Variants in FBXL5 observed in about 807,000 individuals in gnomAD.
The protein encoded by FBXL5 is F-box and leucine rich repeat protein 5, also known as F-box/LRR-repeat protein 5.
A neutral mutation model predicts 78.3 loss-of-function variants in FBXL5; 26 were observed. The ratio of observed to expected loss-of-function variants is 0.33; its 90% CI spans 0.24 to 0.46. The LOEUF is 0.46. Ranked by LOEUF, FBXL5 falls within the 20% of genes least tolerant of loss-of-function variation. FBXL5 has a pLI of 1.00. For missense variants in FBXL5, 710 were observed against 829.2 expected (o/e 0.86, Z 1.77); for synonymous variants, 295 against 282.5 (o/e 1.04, Z -0.45).
At chr4:15,665,795 G>C (rs1277967303) in intron 1 of FBXL5, among the ~76,000 whole-genome samples, 2 of 152,122 alleles carry the variant, frequency 1.3e-5, no homozygotes, top group Non-Finnish European at 2.9e-5. Context: ...AAAGAACCCA[G>C]TAAAATACAT....
chr4:15,674,444 A>G (rs1717890101), intron 1 of FBXL5, among the ~76,000 whole-genome samples: 1 of 152,132 alleles, frequency 6.6e-6, no homozygotes, highest in Admixed American at 6.6e-5. Flanking sequence ...ACTTTAAATA[A>G]AATGTCCCCC....
intron 6 of FBXL5, among the ~76,000 whole-genome samples, 154 bp downstream of exon 6, chr4:15,630,512 T>C (rs1713517374): frequency 6.6e-6 from 1 of 152,208 alleles, no homozygotes; most frequent in Non-Finnish European, 1.5e-5. Context: ...AAAATTTCAT[T>C]ATTATTCCTT....
intron 9 of FBXL5, among the ~76,000 whole-genome samples, chr4:15,621,435 A>G (rs1480073789): frequency 1.3e-5 from 2 of 152,234 alleles, no homozygotes; most frequent in African/African-American, 4.8e-5. Flanking sequence ...TGGAAACAAG[A>G]ATTCAAGTAA....
intron 1 of FBXL5, among the ~76,000 whole-genome samples, chr4:15,675,330 G>A (rs1717944164): frequency 6.6e-6 from 1 of 152,114 alleles, no homozygotes; most frequent in Admixed American, 6.5e-5. Flanking sequence ...AAAATGAGGT[G>A]AATAAGTACC....
intron 1 of FBXL5, among the ~76,000 whole-genome samples, chr4:15,645,208 G>A (rs1325033667): frequency 1.3e-5 from 2 of 151,946 alleles, no homozygotes; most frequent in African/African-American, 4.8e-5. Flanking sequence ...TTATCAGCAG[G>A]AATGACGGTC....
chr4:15,678,227 G>C (rs998881066), intron 1 of FBXL5, among the ~76,000 whole-genome samples: 13 of 152,002 alleles, frequency 8.6e-5, no homozygotes, highest in African/African-American at 3.1e-4. Context: ...AGGATTGCCT[G>C]GATTTTCTCA....
In FBXL5 at chr4:15,628,042, T is replaced by G; in HGVS notation, c.893-9A>C. The G allele has an allele frequency of 6.2e-7, 1 of 1,612,336 alleles. No individual in the cohort carries two copies. Among genetic ancestry groups the G allele is most frequent in the South Asian group, 1.1e-5 (1 of 90,824 alleles). On this transcript the variant is annotated splice_polypyrimidine_tract_variant and intron_variant, in intron 6 of 10. Transcript: ENST00000341285. Reference sequence around the variant, plus strand: ...TTCCTCCGCAGACTCTTCTGTAAAATGAATTCAAAAGTCCAAGAACTTGAT... The same window carrying G: ...TTCCTCCGCAGACTCTTCTGTAAAAGGAATTCAAAAGTCCAAGAACTTGAT...
At chr4:15,651,847 G>T (rs1169947440) in intron 1 of FBXL5, among the ~76,000 whole-genome samples, 1 of 152,144 alleles carries the variant, frequency 6.6e-6, no homozygotes, top group East Asian at 1.9e-4. Context: ...GGGAATCTCT[G>T]AACTAACCAC....
chr4:15,659,048 T>C (rs1249875224), upstream of FBXL5, among the ~76,000 whole-genome samples: 2 of 152,230 alleles, frequency 1.3e-5, no homozygotes, highest in Admixed American at 1.3e-4. Context: ...TCAATGTTTC[T>C]TCCTCATTAA....
At chr4:15,649,973 A>C (rs373420777) in intron 1 of FBXL5, among the ~76,000 whole-genome samples, 2 of 152,192 alleles carry the variant, frequency 1.3e-5, no homozygotes, top group Non-Finnish European at 2.9e-5. Flanking sequence ...CCCATTAATA[A>C]AGCTATCTTT....
chr4:15,628,733 TTTAGA>T (rs1300780567), intron 6 of FBXL5, among the ~76,000 whole-genome samples: 1 of 150,962 alleles, frequency 6.6e-6, no homozygotes, highest in East Asian at 1.9e-4. Flanking sequence ...TGGTTCCTTG[TTTAGA>T]TATTATCCTA....
At chr4:15,611,982 A>T in intron 10 of FBXL5, 1 of 238,208 alleles carries the variant, frequency 4.2e-6, no homozygotes. Flanking sequence ...TTTAACAAGA[A>T]TTTTAGTATT....
In FBXL5 at chr4:15,636,532, G is replaced by T. The variant is rs780034015; in HGVS notation, c.728C>A (p.Ser243Ter). The T allele has an allele frequency of 6.2e-7, 1 of 1,613,194 alleles. No homozygotes were observed. The change falls in exon 5 of 11, where the codon TCG (serine) becomes TAG (stop). Residue 243 changes from serine (S) to a stop codon, truncating the protein, a stop_gained. Transcript: ENST00000341285. LOFTEE classifies it high-confidence loss of function. ...AACAGGGTAAAGATGTTTCCAAAGCGATCCCGTTTTTGTCAGCTGAGACCA... is the reference window on the plus strand; with the variant it reads ...AACAGGGTAAAGATGTTTCCAAAGCTATCCCGTTTTTGTCAGCTGAGACCA... ...MKWSQLTKTG[S>*]LWKHLYPVHW... is the part of the protein sequence containing the mutation.
intron 9 of FBXL5, among the ~76,000 whole-genome samples, chr4:15,621,051 T>C (rs953394808): frequency 8.5e-5 from 13 of 152,222 alleles, no homozygotes; most frequent in African/African-American, 3.1e-4. Context: ...GACCCCTGAT[T>C]TCCCACTTCA....
intron 1 of FBXL5, among the ~76,000 whole-genome samples, chr4:15,651,121 G>C (rs903941852): frequency 6.6e-6 from 1 of 152,120 alleles, no homozygotes; most frequent in African/African-American, 2.4e-5. Context: ...TACTCACTCA[G>C]ACAATGCTTT....
At chr4:15,647,239 A>G (rs1378791044) in intron 1 of FBXL5, among the ~76,000 whole-genome samples, 1 of 133,494 alleles carries the variant, frequency 7.5e-6, no homozygotes, top group Non-Finnish European at 1.6e-5. Flanking sequence ...AAAAAAAAAA[A>G]AAAAGAAAGA....
At chr4:15,666,790 C>G (rs558366317) in intron 1 of FBXL5, among the ~76,000 whole-genome samples, 1 of 152,014 alleles carries the variant, frequency 6.6e-6, no homozygotes, top group East Asian at 1.9e-4. Flanking sequence ...CAATGCACTC[C>G]AGCCTGGGTG....
At chr4:15,610,151 T>C (rs1461052128) in intron 10 of FBXL5, among the ~76,000 whole-genome samples, 9 of 152,210 alleles carry the variant, frequency 5.9e-5, no homozygotes, top group Non-Finnish European at 7.4e-5. Context: ...ACTAGATATC[T>C]ACTGTACAAG....
chr4:15,675,530 T>G (rs1341425846), intron 1 of FBXL5, among the ~76,000 whole-genome samples: 4 of 151,632 alleles, frequency 2.6e-5, no homozygotes, highest in Non-Finnish European at 5.9e-5. Flanking sequence ...CTCAAGGAGT[T>G]GAACCTTCAC....
Sources: allele counts gnomAD v4.1 joint callset (sites outside exome capture counted in the v4.1 genomes callset), GRCh38; gene constraint gnomAD v4.1.1; transcripts MANE v1.5; gene names NCBI Gene and HGNC (gene_info 2026-07-23, HGNC 2026-07-21).